Variants in DENND2B observed in about 807,000 individuals in gnomAD.
The protein encoded by DENND2B is DENN domain-containing protein 2B.
In DENND2B, 32 loss-of-function variants were observed where a neutral mutation model predicts 116.0. That is an observed-to-expected ratio of 0.28 (90% CI 0.21 to 0.37). The LOEUF (loss-of-function observed/expected upper bound fraction) is 0.37, where lower values mean the gene tolerates loss of function less well. Among genes scored for constraint, DENND2B ranks in the 10% least tolerant of loss-of-function variants. DENND2B has a pLI of 1.00. For missense variants in DENND2B, 1,276 were observed against 1,477.7 expected (o/e 0.86, Z 2.24); for synonymous variants, 588 against 583.9 (o/e 1.01, Z -0.10).
intron 1 of DENND2B, among the ~76,000 whole-genome samples, chr11:8,796,092 C>G (rs1420665154): frequency 6.6e-6 from 1 of 152,202 alleles, no homozygotes; most frequent in African/African-American, 2.4e-5. Flanking sequence ...CTGCTCTGCC[C>G]TTCACAAACT....
At chr11:8,848,894 A>C (rs1344595562) in intron 3 of DENND2B, among the ~76,000 whole-genome samples, 1 of 151,634 alleles carries the variant, frequency 6.6e-6, no homozygotes, top group East Asian at 1.9e-4. Flanking sequence ...GGCCTCAAGA[A>C]AAAAAAAACA....
At chr11:8,699,186 C>T (rs202201775) in intron 15 of DENND2B, 27 bp downstream of exon 15, 1 of 1,540,538 alleles carries the variant, frequency 6.5e-7, no homozygotes, top group Admixed American at 2.2e-5. Context: ...CCACCCTTCC[C>T]CCCAGCTGGT....
At chr11:8,828,793 C>T (rs991353514) in intron 4 of DENND2B, among the ~76,000 whole-genome samples, 2 of 152,076 alleles carry the variant, frequency 1.3e-5, no homozygotes, top group African/African-American at 4.8e-5. Flanking sequence ...TCTGAGTTTA[C>T]CCAAGAGGGG....
intron 1 of DENND2B, among the ~76,000 whole-genome samples, chr11:8,889,769 C>T (rs1236583406): frequency 3.3e-5 from 5 of 152,182 alleles, no homozygotes; most frequent in African/African-American, 2.4e-5. Flanking sequence ...TGGAGTCCAC[C>T]GCAGCTCAAG....
chr11:8,723,837 G>C (rs992700430), intron 4 of DENND2B, among the ~76,000 whole-genome samples: 2 of 152,196 alleles, frequency 1.3e-5, no homozygotes, highest in Non-Finnish European at 2.9e-5. Flanking sequence ...TTCCTGCTGT[G>C]ACCCAGTTTT....
At position 8,699,283 on chromosome 11, in the gene DENND2B, C is replaced by G. The variant is rs2041060445; in HGVS notation, c.2828G>C (p.Cys943Ser). Residue 943 changes from cysteine (C) to serine (S), a missense_variant, in exon 15 of 20, where the codon TGT becomes TCT. Transcript: ENST00000313726. Reference protein sequence around the residue: ...LPASMIDIVCCPTPFLVGLLS... With the variant: ...LPASMIDIVCSPTPFLVGLLS... ...CAGGCCAACCAGGAAGGGGGTGGGACAGCAGACGATGTCAATCATGGAGGC... is the reference window on the plus strand; with the variant it reads ...CAGGCCAACCAGGAAGGGGGTGGGAGAGCAGACGATGTCAATCATGGAGGC... The G allele has an allele frequency of 6.2e-7, 1 of 1,602,940 alleles. No individual in the cohort carries two copies. Among genetic ancestry groups the G allele is most frequent in the Admixed American group, 1.8e-5 (1 of 55,616 alleles).
chr11:8,798,100 C>T (rs768247981), intron 1 of DENND2B, among the ~76,000 whole-genome samples: 1 of 152,122 alleles, frequency 6.6e-6, no homozygotes, highest in Admixed American at 6.5e-5. Context: ...TATATCCTTC[C>T]GAGCTCACAG....
intron 1 of DENND2B, chr11:8,776,404 T>C (rs2057736346): frequency 2.6e-6 from 1 of 382,586 alleles, no homozygotes; most frequent in Admixed American, 3.2e-5. Flanking sequence ...AGCACCTGCC[T>C]TGTGCAAGAC....
chr11:8,870,540 C>T (rs867144948), intron 2 of DENND2B, among the ~76,000 whole-genome samples: 21 of 151,604 alleles, frequency 1.4e-4, no homozygotes, highest in African/African-American at 4.8e-4. Context: ...CGCGCGCGCG[C>T]GTTCTTCAAG....
intron 14 of DENND2B, chr11:8,699,796 G>A (rs1361610445): frequency 8.8e-6 from 4 of 455,428 alleles, no homozygotes; most frequent in East Asian, 6.8e-5. Flanking sequence ...AGGCAAGAGG[G>A]ACAAAGAACT....
chr11:8,694,665 G>A (rs916482444), intron 19 of DENND2B: 2 of 455,844 alleles, frequency 4.4e-6, no homozygotes, highest in Admixed American at 2.4e-5. Context: ...CAACCAACTG[G>A]AGATCAAGAA....
rs761756640 is a variant in DENND2B, at chr11:8,778,922, G to T, written c.-25-28197C>A. Among the ~76,000 whole-genome samples the T allele has an allele frequency of 2.0e-5, 3 of 152,230 alleles. No individual in the cohort carries two copies. The East Asian group carries it at 5.8e-4, about 29-fold the overall frequency. ...AGCCCAGGCTAAGTTCTACTTTCAC[G>T]TCTTTCCATTCCCACTTCAGTTTTT... On this transcript the variant is annotated intron_variant, in intron 1 of 19. Coordinates refer to ENST00000313726, the MANE Select transcript of DENND2B (RefSeq NM_213618.2).
intron 13 of DENND2B, among the ~76,000 whole-genome samples, chr11:8,705,743 C>T (rs1301903552): frequency 6.6e-6 from 1 of 152,224 alleles, no homozygotes; most frequent in Admixed American, 6.5e-5. Context: ...GCCTTACAGT[C>T]TCTGTAACAA....
intron 1 of DENND2B, among the ~76,000 whole-genome samples, chr11:8,762,727 G>A (rs2054904680): frequency 6.6e-6 from 1 of 152,198 alleles, no homozygotes; most frequent in Admixed American, 6.5e-5. Context: ...AGGCGTGGTG[G>A]CGCATGCCTG....
chr11:8,700,148 C>T (rs964458195), intron 14 of DENND2B: 1 of 379,526 alleles, frequency 2.6e-6, no homozygotes, highest in Non-Finnish European at 5.2e-6. Flanking sequence ...ATGGTCCAGG[C>T]TCTCTTAGGG....
chr11:8,700,717 T>G (rs2041406233), intron 14 of DENND2B, among the ~76,000 whole-genome samples: 1 of 152,208 alleles, frequency 6.6e-6, no homozygotes, highest in African/African-American at 2.4e-5. Context: ...CAAAACAATA[T>G]GTAACATGTT....
intron 2 of DENND2B, among the ~76,000 whole-genome samples, chr11:8,743,583 G>T (rs2050657743): frequency 6.6e-6 from 1 of 151,940 alleles, no homozygotes; most frequent in African/African-American, 2.4e-5. Context: ...ATTACTTAAA[G>T]TGTTGCCTCA....
intron 2 of DENND2B, chr11:8,870,784 C>G (rs1034844606): frequency 1.3e-5 from 2 of 152,224 alleles, no homozygotes; most frequent in Non-Finnish European, 2.9e-5. Context: ...AGGGCGGACC[C>G]CACCAGCCCC....
Position 8,696,655 on chromosome 11 carries a change from G to A in DENND2B, c.3064C>T (p.Leu1022Phe). ...AACACCTCCGACACCAGCCCATTGA[G>A]GGTATTACATTCTGGAAGGGAAAAG... ...DSDSDDECNT[L>F]NGLVSEVFIR... The change falls in exon 18 of 20, where the codon CTC (leucine) becomes TTC (phenylalanine). Residue 1022 changes from leucine (L) to phenylalanine (F), a missense_variant. Physicochemically the swap from Leu to Phe is conservative, Grantham distance 22 (BLOSUM62 0). This residue lies in a region of DENND2B where 420 missense variants were observed against 631.1 expected (regional missense o/e 0.67). Coordinates refer to ENST00000313726, the MANE Select transcript of DENND2B (RefSeq NM_213618.2). 1.2e-6 allele frequency: 2 copies of A among 1,614,118 alleles called. No individual in the cohort carries two copies. Among genetic ancestry groups the A allele is most frequent in the Non-Finnish European group, 1.7e-6 (2 of 1,179,998 alleles).
Sources: gnomAD v4.1 joint callset for allele counts (sites outside exome capture counted in the v4.1 genomes callset) on GRCh38, gnomAD v4.1.1 for gene constraint, gnomAD v4.1.1 regional missense constraint, MANE v1.5 for transcripts, NCBI Gene and HGNC (gene_info 2026-07-23, HGNC 2026-07-21) for gene names.